CDH8: variants seen among roughly 807,000 people sequenced by gnomAD.
The protein encoded by CDH8 is cadherin 8.
In CDH8, 17 loss-of-function variants were observed where a neutral mutation model predicts 68.1. That is an observed-to-expected ratio of 0.25 (90% confidence interval 0.17 to 0.37). The LOEUF is 0.37. CDH8 is among the 10% of genes least tolerant of loss of function. CDH8 has a pLI of 1.00. For missense variants in CDH8, 763 were observed against 999.3 expected, an observed-to-expected ratio of 0.76 and a Z score of 3.19; for synonymous variants, 372 against 365.1, an observed-to-expected ratio of 1.02 and a Z score of -0.21.
intron 4 of CDH8, among the ~76,000 whole-genome samples, chr16:61,847,773 G>A (rs1162294650): frequency 6.6e-6 from 1 of 151,632 alleles, no homozygotes; most frequent in East Asian, 1.9e-4. Context: ...AGGATGCAGA[G>A]TTAGGTTATA....
intron 2 of CDH8, among the ~76,000 whole-genome samples, chr16:61,997,898 T>C (rs1363830413): frequency 6.6e-6 from 1 of 152,092 alleles, no homozygotes; most frequent in Admixed American, 6.5e-5. Flanking sequence ...ATTGTTCCAA[T>C]AAAAGGAAAC....
At chr16:61,761,293 T>C (rs1386798908) in intron 8 of CDH8, among the ~76,000 whole-genome samples, 42 of 152,204 alleles carry the variant, frequency 2.8e-4, no homozygotes, top group Admixed American at 2.6e-3. Context: ...AAGTTATAAA[T>C]AGAGACCATC....
chr16:61,657,425 T>A (rs1441734868), intron 10 of CDH8, among the ~76,000 whole-genome samples: 1 of 152,134 alleles, frequency 6.6e-6, no homozygotes, highest in Non-Finnish European at 1.5e-5. Flanking sequence ...GAACTTCTTC[T>A]GGTTGTACAT....
rs6498817 is a variant in CDH8 at position 62,016,761 on chromosome 16, T to G, written c.252+4391A>C. 2.6e-5 allele frequency among the ~76,000 whole-genome samples: 4 copies of G among 151,980 alleles called. No homozygotes were observed. The South Asian group carries it at 8.3e-4, about 32-fold the overall frequency. ...TTGACTGGTATTTGCTTTTCAGAAA[T>G]CCAGACAAAAGCTTTCTGCTCCAGT... On this transcript the variant is annotated intron_variant, in intron 2 of 11. Coordinates refer to ENST00000577390, the MANE Select transcript of CDH8 (RefSeq NM_001796.5).
chr16:61,852,318 A>G (rs77331092), intron 4 of CDH8, among the ~76,000 whole-genome samples: 1 of 152,084 alleles, frequency 6.6e-6, no homozygotes, highest in Admixed American at 6.6e-5. Flanking sequence ...AACCTAAAAG[A>G]CTGTATATAC....
chr16:61,654,175 G>T (rs997838446), intron 11 of CDH8, 74 bp from the exon 12 acceptor site: 1 of 1,367,216 alleles, frequency 7.3e-7, no homozygotes, highest in Non-Finnish European at 1.0e-6. Context: ...ATATATGTTA[G>T]GAGAGAGGGG....
intron 7 of CDH8, among the ~76,000 whole-genome samples, chr16:61,816,178 G>C (rs1309265259): frequency 6.6e-6 from 1 of 151,860 alleles, no homozygotes; most frequent in Non-Finnish European, 1.5e-5. Flanking sequence ...ATACTTATTG[G>C]CTGTAGTCTT....
At chr16:61,798,422 T>G (rs1470389675) in intron 7 of CDH8, among the ~76,000 whole-genome samples, 4 of 152,200 alleles carry the variant, frequency 2.6e-5, no homozygotes, top group African/African-American at 9.6e-5. Context: ...AGAAATATGC[T>G]CTGTGTTATC....
chr16:62,008,007 C>T (rs1248193067), intron 2 of CDH8, among the ~76,000 whole-genome samples: 1 of 152,046 alleles, frequency 6.6e-6, no homozygotes, highest in Non-Finnish European at 1.5e-5. Flanking sequence ...GGCTGGAGTG[C>T]AGTGCTGCCA....
chr16:61,988,747 A>T (rs1473628892), intron 2 of CDH8, among the ~76,000 whole-genome samples: 2 of 152,230 alleles, frequency 1.3e-5, no homozygotes, highest in African/African-American at 4.8e-5. Flanking sequence ...TTTTGTTATT[A>T]ATTTAAATAA....
chr16:61,881,167 C>CAT (rs755111674), intron 3 of CDH8, among the ~76,000 whole-genome samples: 4 of 152,154 alleles, frequency 2.6e-5, no homozygotes, highest in Non-Finnish European at 4.4e-5. Context: ...TCCTAACCTA[C>CAT]ATAACTATGA....
At position 62,012,962 on chromosome 16, in the gene CDH8, T is replaced by G. The variant is rs1229680335; in HGVS notation, c.252+8190A>C. Among the ~76,000 whole-genome samples, 5 of 130,194 alleles carry G rather than the reference T, an allele frequency of 3.8e-5. 1 individual carries two copies. The highest frequency in any genetic ancestry group is 2.6e-4 in the East Asian group (1 of 3,852). The allele number at this position is 130,194 out of a possible 152,430, so 85.4% of individuals were successfully genotyped here. The stretch of plus-strand genomic sequence containing the variant: ...GACGTGATTTGCATTCTCTTTAAAT[T>G]AACTACTTAAGGCCGGGCGCGGTGG... On this transcript the variant is annotated intron_variant, in intron 2 of 11. Coordinates refer to ENST00000577390, the MANE Select transcript of CDH8 (RefSeq NM_001796.5).
intron 3 of CDH8, among the ~76,000 whole-genome samples, chr16:61,884,856 A>T (rs1963644638): frequency 6.6e-6 from 1 of 152,124 alleles, no homozygotes; most frequent in South Asian, 2.1e-4. Flanking sequence ...CTATACATGG[A>T]ATTCAACTCT....
chr16:61,800,742 C>G (rs1419857866), intron 7 of CDH8, among the ~76,000 whole-genome samples: 1 of 152,152 alleles, frequency 6.6e-6, no homozygotes, highest in Non-Finnish European at 1.5e-5. Context: ...AAAATAGAAG[C>G]TCTCCATTTC....
At chr16:61,838,337 C>T (rs1171642681) in intron 4 of CDH8, among the ~76,000 whole-genome samples, 1 of 152,064 alleles carries the variant, frequency 6.6e-6, no homozygotes, top group African/African-American at 2.4e-5. Context: ...ACATATTTGG[C>T]ATGTGAATGC....
Position 61,689,403 on chromosome 16 carries a change from T to C in CDH8, c.1654+24438A>G, listed in dbSNP as rs559531203. ...ACCTGGCCCATAAGAGGCACTCAATTAGTGTCAGCCAAACTCTACCCCAAA... is the reference window on the plus strand; with the variant it reads ...ACCTGGCCCATAAGAGGCACTCAATCAGTGTCAGCCAAACTCTACCCCAAA... On this transcript the variant is annotated intron_variant, in intron 10 of 11. Transcript: ENST00000577390. Among the ~76,000 whole-genome samples the C allele has an allele frequency of 9.2e-5, 14 of 152,014 alleles. No individual in the cohort carries two copies. The South Asian group carries it at 2.9e-3, about 32-fold the overall frequency.
At chr16:61,750,597 T>C (rs1960135284) in intron 8 of CDH8, among the ~76,000 whole-genome samples, 2 of 152,074 alleles carry the variant, frequency 1.3e-5, no homozygotes, top group African/African-American at 4.8e-5. Context: ...TATAAGCAGG[T>C]TGACTCTAGT....
intron 2 of CDH8, among the ~76,000 whole-genome samples, chr16:61,952,367 C>T (rs1384078163): frequency 1.3e-5 from 2 of 152,094 alleles, no homozygotes; most frequent in Non-Finnish European, 1.5e-5. Context: ...TATGGTTTTA[C>T]TTATGGCATT....
intron 10 of CDH8, among the ~76,000 whole-genome samples, chr16:61,688,169 C>T (rs188441486): frequency 6.6e-6 from 1 of 152,082 alleles, no homozygotes; most frequent in East Asian, 1.9e-4. Flanking sequence ...TGTGTTCTCT[C>T]TAATTCCTTT....
Sources: gnomAD v4.1 joint callset for allele counts (sites outside exome capture counted in the v4.1 genomes callset) on GRCh38, gnomAD v4.1.1 for gene constraint, MANE v1.5 for transcripts, NCBI Gene and HGNC (gene_info 2026-07-23, HGNC 2026-07-21) for gene names.